EHMT1: variants seen among roughly 807,000 people sequenced by gnomAD.
EHMT1 encodes the protein histone-lysine N-methyltransferase EHMT1.
A neutral mutation model predicts 147.2 loss-of-function variants in EHMT1; 15 were observed. That is an observed-to-expected ratio of 0.10 (90% CI 0.07 to 0.16). The LOEUF (loss-of-function observed/expected upper bound fraction) is 0.16. Among genes scored for constraint, EHMT1 ranks in the 10% least tolerant of loss-of-function variants. EHMT1 has a pLI of 1.00. For missense variants in EHMT1, 1,587 were observed against 1,772.4 expected (o/e 0.90, Z 1.88); for synonymous variants, 795 against 709.6 (o/e 1.12, Z -1.91).
At chr9:137,638,547 G>GT (rs541758860) in intron 1 of EHMT1, 41 of 152,252 alleles carry the variant, frequency 2.7e-4, no homozygotes, top group African/African-American at 8.9e-4. Context: ...ACCCGGCCTA[G>GT]TTTTTTACTA....
At chr9:137,778,716 C>T (rs1951151179) in intron 13 of EHMT1, among the ~76,000 whole-genome samples, 1 of 152,222 alleles carries the variant, frequency 6.6e-6, no homozygotes, top group South Asian at 2.1e-4. Context: ...CCTGACCCCA[C>T]TCTCTCCCCC....
intron 7 of EHMT1, among the ~76,000 whole-genome samples, chr9:137,753,620 G>A (rs947143102): frequency 1.3e-5 from 2 of 152,256 alleles, no homozygotes; most frequent in Non-Finnish European, 2.9e-5. Flanking sequence ...GTGGCCTCCT[G>A]TGGAGGGGTG....
At chr9:137,661,192 C>T (rs1939039237) in intron 1 of EHMT1, among the ~76,000 whole-genome samples, 1 of 152,082 alleles carries the variant, frequency 6.6e-6, no homozygotes. Flanking sequence ...TACCCAGATA[C>T]CCCAAGTGTT....
intron 1 of EHMT1, 95 bp from the exon 2 acceptor site, chr9:137,710,872 G>T: frequency 7.1e-7 from 1 of 1,400,208 alleles, no homozygotes; most frequent in Non-Finnish European, 9.8e-7. Context: ...GGTGAATGTT[G>T]TAACTACGAT....
chr9:137,669,933 C>T (rs1186057929), intron 1 of EHMT1, among the ~76,000 whole-genome samples: 2 of 152,130 alleles, frequency 1.3e-5, no homozygotes, highest in East Asian at 1.9e-4. Flanking sequence ...TCTCTGCAAC[C>T]TCTGCCGCCC....
At chr9:137,812,304 A>G (rs1296445965) in intron 19 of EHMT1, among the ~76,000 whole-genome samples, 1 of 152,146 alleles carries the variant, frequency 6.6e-6, no homozygotes, top group Admixed American at 6.5e-5. Context: ...GCGACGCTAC[A>G]CTCCAACCTG....
At chr9:137,755,844 G>GT (rs945480211) in intron 8 of EHMT1, among the ~76,000 whole-genome samples, 2 of 152,136 alleles carry the variant, frequency 1.3e-5, no homozygotes, top group African/African-American at 4.8e-5. Flanking sequence ...CCTTCATTTA[G>GT]TTTTTTTGAA....
chr9:137,619,082 GGGCGGCGGGCAGCGGCGGA>G, intron 1 of EHMT1, 33 bp downstream of exon 1: 3 of 779,950 alleles, frequency 3.8e-6, no homozygotes, highest in Non-Finnish European at 4.6e-6. Context: ...GGCGGCGCGG[GGGCGGCGGGCAGCGGCGGA>G]GGCGGCGCGG....
chr9:137,752,373 G>C lies in EHMT1; in HGVS notation c.1213G>C (p.Gly405Arg). ...GGAGGAGCAGGAGTCCGTGGACACCGGGGAGGAGGAGGAAGGCGGTGACGA... is the reference window on the plus strand; with the variant it reads ...GGAGGAGCAGGAGTCCGTGGACACCCGGGAGGAGGAGGAAGGCGGTGACGA... ...SEEEQESVDT[G>R]EEEEGGDESD... Residue 405 changes from glycine (G) to arginine (R), a missense_variant, in exon 7 of 27, where the codon GGG becomes CGG. Transcript: ENST00000460843. The C allele has an allele frequency of 6.2e-7, 1 of 1,614,170 alleles. No homozygotes were observed. Among genetic ancestry groups the C allele is most frequent in the South Asian group, 1.1e-5 (1 of 91,052 alleles).
chr9:137,625,203 G>C (rs185011273), intron 1 of EHMT1, among the ~76,000 whole-genome samples: 1 of 151,980 alleles, frequency 6.6e-6, no homozygotes, highest in Non-Finnish European at 1.5e-5. Flanking sequence ...ATTCTTAACC[G>C]TTTGCAAGCA....
At chr9:137,798,118 T>G (rs1408825615) in intron 16 of EHMT1, among the ~76,000 whole-genome samples, 2 of 152,214 alleles carry the variant, frequency 1.3e-5, no homozygotes, top group Non-Finnish European at 2.9e-5. Flanking sequence ...CTCATGCCTG[T>G]AATCCCAGCA....
intron 25 of EHMT1, among the ~76,000 whole-genome samples, chr9:137,829,566 C>T (rs1484263577): frequency 6.6e-6 from 1 of 152,226 alleles, no homozygotes; most frequent in Non-Finnish European, 1.5e-5. Context: ...TCTACAGACT[C>T]CTAGTTTCCC....
intron 15 of EHMT1, chr9:137,788,439 AGGAGGTTGCAGGCGTAC>A (rs948583210): frequency 5.1e-4 from 99 of 195,916 alleles, no homozygotes; most frequent in Non-Finnish European, 8.3e-4. Context: ...TGTAGGTGAA[AGGAGGTTGCAGGCGTAC>A]GGAGGTTGCA....
chr9:137,831,275 CTCTTT>C (rs1956168504), intron 25 of EHMT1, among the ~76,000 whole-genome samples: 1 of 152,332 alleles, frequency 6.6e-6, no homozygotes, highest in African/African-American at 2.4e-5. Context: ...CTTATTCCTT[CTCTTT>C]TCTTACACAA....
intron 1 of EHMT1, among the ~76,000 whole-genome samples, chr9:137,709,755 C>G (rs117805565): frequency 6.6e-6 from 1 of 152,176 alleles, no homozygotes; most frequent in Non-Finnish European, 1.5e-5. Context: ...CTAGTGACCT[C>G]GGGCAAGTCT....
chr9:137,802,460 A>C, intron 18 of EHMT1: 1 of 398,694 alleles, frequency 2.5e-6, no homozygotes, highest in Non-Finnish European at 4.4e-6. Flanking sequence ...AACCCACTAA[A>C]TTGATAATAA....
At chr9:137,826,217 C>G (rs986226861) in intron 25 of EHMT1, among the ~76,000 whole-genome samples, 6 of 152,214 alleles carry the variant, frequency 3.9e-5, no homozygotes, top group African/African-American at 7.2e-5. Context: ...CTGCCCTGGT[C>G]TCTCCTTCCA....
At chr9:137,801,132 G>A in intron 18 of EHMT1, 148 bp downstream of exon 18, 1 of 734,480 alleles carries the variant, frequency 1.4e-6, no homozygotes, top group Non-Finnish European at 2.4e-6. Flanking sequence ...GCACTGTGCT[G>A]TGGCTGTCCT....
At chr9:137,800,052 G>A (rs1335379683) in intron 17 of EHMT1, among the ~76,000 whole-genome samples, 1 of 152,100 alleles carries the variant, frequency 6.6e-6, no homozygotes, top group African/African-American at 2.4e-5. Flanking sequence ...GTGACAGTAG[G>A]ATGTGCAGGC....
Sources: gnomAD v4.1 joint callset for allele counts (sites outside exome capture counted in the v4.1 genomes callset) on GRCh38, gnomAD v4.1.1 for gene constraint, MANE v1.5 for transcripts, NCBI Gene and HGNC (gene_info 2026-07-23, HGNC 2026-07-21) for gene names.